POLI: variants seen among roughly 807,000 people sequenced by gnomAD.
POLI encodes the protein DNA polymerase iota, also known as RAD30 homolog B.
In POLI, 58 loss-of-function variants were observed where a neutral mutation model predicts 51.6. The ratio of observed to expected loss-of-function variants is 1.12; its 90% CI spans 0.91 to 1.40. POLI has a LOEUF of 1.40. Ranked by LOEUF, POLI falls within the 40% of genes most tolerant of loss-of-function variation. The pLI is 0.00. For missense variants in POLI, 921 were observed against 871.3 expected, an observed-to-expected ratio of 1.06 and a Z score of -0.72; for synonymous variants, 322 against 299.7, an observed-to-expected ratio of 1.07 and a Z score of -0.77.
intron 5 of POLI, 88 bp from the exon 6 acceptor site, chr18:54,282,749 A>G: frequency 2.7e-6 from 2 of 729,076 alleles, no homozygotes; most frequent in East Asian, 5.5e-5. Context: ...GAACTTAAAG[A>G]TAAGATTGAT....
intron 7 of POLI, among the ~76,000 whole-genome samples, chr18:54,285,649 T>A (rs2087711693): frequency 6.6e-6 from 1 of 152,062 alleles, no homozygotes; most frequent in Non-Finnish European, 1.5e-5. Flanking sequence ...TTTTAATCCA[T>A]CCTCTAGGCA....
chr18:54,280,888 A>G lies in POLI; in HGVS notation c.781A>G (p.Ile261Val), dbSNP rs76578033. The G allele has an allele frequency of 1.9e-6, 3 of 1,556,754 alleles. No individual in the cohort carries two copies. The highest frequency in any genetic ancestry group is 3.4e-4 in the Middle Eastern group (2 of 5,944). ...ACATCTTATTCATAGTTTGAATCACATAAAGGAAATACCTGGTAAGACAAA... is the reference window on the plus strand; with the variant it reads ...ACATCTTATTCATAGTTTGAATCACGTAAAGGAAATACCTGGTAAGACAAA... ...CQHLIHSLNH[I>V]KEIPGIGYKT... Residue 261 changes from isoleucine (I) to valine (V), a missense_variant, in exon 5 of 10, where the codon ATA becomes GTA. Coordinates refer to ENST00000579534, the MANE Select transcript of POLI (RefSeq NM_007195.3).
intron 5 of POLI, 146 bp from the exon 6 acceptor site, chr18:54,282,690 CT>C (rs1270766218): frequency 9.0e-6 from 5 of 553,084 alleles, no homozygotes; most frequent in Non-Finnish European, 1.6e-5. Context: ...CACTGAAGGT[CT>C]TAGAATGTAT....
chr18:54,271,892 T>C (rs539985398), intron 2 of POLI, among the ~76,000 whole-genome samples: 3 of 152,332 alleles, frequency 2.0e-5, no homozygotes, highest in African/African-American at 7.2e-5. Context: ...TTGTGTAACA[T>C]CTAACTAACT....
intron 4 of POLI, among the ~76,000 whole-genome samples, chr18:54,278,853 T>C (rs2087368443): frequency 6.6e-6 from 1 of 152,196 alleles, no homozygotes; most frequent in Non-Finnish European, 1.5e-5. Flanking sequence ...ACCCTTTTGC[T>C]CTTAAGCCTC....
rs1599149172 is a variant in POLI at position 54,271,148 on chromosome 18, G to A, written c.116-212G>A. ...AACTTATTACTATCCTGAGAAAAAC[G>A]CAGTGCACAAACAGTAATTAAGAGG... On this transcript the variant is annotated intron_variant, in intron 1 of 9. Transcript: ENST00000579534. 3.7e-5 allele frequency: 13 copies of A among 347,556 alleles called. No individual in the cohort carries two copies. In the South Asian group the frequency reaches 9.1e-4, roughly 24 times the overall value. 21.5% of individuals were successfully genotyped at this position (347,556 alleles called of 1,614,324 possible).
chr18:54,297,610 C>A lies in POLI; in HGVS notation c.*3143C>A. On this transcript the variant is annotated 3_prime_UTR_variant, in exon 10 of 10. Transcript: ENST00000579534. ...TTGTGCTTCTTTCCCACCTTTATCT[C>A]TCCTCCTATCTTTTGGGATCAGTTG... 1 of 862,062 alleles carries A rather than the reference C, an allele frequency of 1.2e-6. No homozygotes were observed. Among genetic ancestry groups the A allele is most frequent in the Non-Finnish European group, 1.4e-6 (1 of 725,170 alleles). 53.4% of individuals were successfully genotyped at this position (862,062 alleles called of 1,614,324 possible). A position where few individuals can be genotyped will look rare whatever the true frequency, so the allele number is the denominator to read the frequency against.
In POLI at chr18:54,297,169, AAACT is replaced by A. The variant is rs2088373300; in HGVS notation, c.*2706_*2709del. 1 of 985,252 alleles carries A rather than the reference AAACT, an allele frequency of 1.0e-6. No individual in the cohort carries two copies. The highest frequency in any genetic ancestry group is 1.2e-6 in the Non-Finnish European group (1 of 829,924). The allele number at this position is 985,252 out of a possible 1,614,324, so 61.0% of individuals were successfully genotyped here. A position where few individuals can be genotyped will look rare whatever the true frequency, so the allele number is the denominator to read the frequency against. ...GGTTTTGTCTCTGCAGGTCAATTCCAAACTAACAGGCAGATGCTGTTAGCTATCT... is the reference window on the plus strand; with the variant it reads ...GGTTTTGTCTCTGCAGGTCAATTCCAAACAGGCAGATGCTGTTAGCTATCT... On this transcript the variant is annotated 3_prime_UTR_variant, in exon 10 of 10. Transcript: ENST00000579534.
chr18:54,276,583 A>G (rs2087249680), intron 3 of POLI, among the ~76,000 whole-genome samples: 1 of 152,354 alleles, frequency 6.6e-6, no homozygotes, highest in Middle Eastern at 3.4e-3. Context: ...TCAGGTATAT[A>G]CTTTTGAAAA....
intron 4 of POLI, among the ~76,000 whole-genome samples, chr18:54,280,013 C>T (rs1325155735): frequency 6.6e-6 from 1 of 151,994 alleles, no homozygotes; most frequent in African/African-American, 2.4e-5. Flanking sequence ...TTAAGCACTC[C>T]CACTACACAG....
intron 3 of POLI, among the ~76,000 whole-genome samples, chr18:54,305,761 T>C (rs1348534985): frequency 6.6e-6 from 1 of 152,016 alleles, no homozygotes; most frequent in Non-Finnish European, 1.5e-5. Context: ...TTCTTTTTTT[T>C]TTTAATTTCT....
intron 9 of POLI, among the ~76,000 whole-genome samples, 162 bp from the exon 10 acceptor site, chr18:54,293,487 A>C (rs1168575576): frequency 1.3e-5 from 2 of 152,066 alleles, no homozygotes; most frequent in Non-Finnish European, 2.9e-5. Flanking sequence ...AGTGTGAATA[A>C]TTGTGGTAGT....
Position 54,297,151 on chromosome 18 carries a change from T to C in POLI, c.*2684T>C. On this transcript the variant is annotated 3_prime_UTR_variant, in exon 10 of 10. Transcript: ENST00000579534. ...CCCTTACTACTAGCCGAAGGTTTTG[T>C]CTCTGCAGGTCAATTCCAAACTAAC... 1 of 985,448 alleles carries C rather than the reference T, an allele frequency of 1.0e-6. No homozygotes were observed. 61.0% of individuals were successfully genotyped at this position (985,448 alleles called of 1,614,324 possible). A position where few individuals can be genotyped will look rare whatever the true frequency, so the allele number is the denominator to read the frequency against.
At chr18:54,316,945 CTGGAATTACTAAAT>C (rs1467485207) in intron 3 of POLI, among the ~76,000 whole-genome samples, 5 of 152,098 alleles carry the variant, frequency 3.3e-5, no homozygotes, top group African/African-American at 9.7e-5. Context: ...ATATAGGAGT[CTGGAATTACTAAAT>C]TGGAGAGTAG....
chr18:54,314,577 G>A (rs2088708025), intron 3 of POLI, among the ~76,000 whole-genome samples: 1 of 152,024 alleles, frequency 6.6e-6, no homozygotes, highest in East Asian at 1.9e-4. Context: ...ATGTCTTATA[G>A]AATTCAGCTG....
At chr18:54,289,512 A>G (rs960899250) in intron 8 of POLI, among the ~76,000 whole-genome samples, 5 of 152,168 alleles carry the variant, frequency 3.3e-5, no homozygotes, top group Admixed American at 6.6e-5. Flanking sequence ...ATGAGCCCCT[A>G]TAGCCAAGAC....
chr18:54,283,935 A>C lies in POLI; in HGVS notation c.989A>C (p.Glu330Ala). ...LSGPPQSFSEEDSFKKCSSEV... is the reference protein window; with the variant it reads ...LSGPPQSFSEADSFKKCSSEV... ...CTTCTTTGATAGTCCTTTAGTGAAGAAGATTCATTTAAAAAATGTTCATCT... is the reference window on the plus strand; with the variant it reads ...CTTCTTTGATAGTCCTTTAGTGAAGCAGATTCATTTAAAAAATGTTCATCT... Residue 330 changes from glutamate (E) to alanine (A), a missense_variant, in exon 7 of 10, where the codon GAA becomes GCA. Coordinates refer to ENST00000579534, the MANE Select transcript of POLI (RefSeq NM_007195.3). 7.6e-7 allele frequency: 1 copy of C among 1,322,552 alleles called. No homozygotes were observed. Among genetic ancestry groups the C allele is most frequent in the Non-Finnish European group, 1.1e-6 (1 of 926,484 alleles). The allele number at this position is 1,322,552 out of a possible 1,614,324, so 81.9% of individuals were successfully genotyped here.
chr18:54,282,108 G>T (rs1489462978), intron 5 of POLI, among the ~76,000 whole-genome samples: 1 of 152,122 alleles, frequency 6.6e-6, no homozygotes, highest in African/African-American at 2.4e-5. Flanking sequence ...GGATAAATGT[G>T]TGGTGGTGCG....
intron 3 of POLI, among the ~76,000 whole-genome samples, chr18:54,316,485 GA>G (rs1270853369): frequency 1.3e-5 from 2 of 152,190 alleles, no homozygotes; most frequent in African/African-American, 4.8e-5. Flanking sequence ...ATTATTGAGA[GA>G]GTGGATTAGC....
Sources: gnomAD v4.1 joint callset for allele counts (sites outside exome capture counted in the v4.1 genomes callset) on GRCh38, gnomAD v4.1.1 for gene constraint, MANE v1.5 for transcripts, NCBI Gene and HGNC (gene_info 2026-07-23, HGNC 2026-07-21) for gene names.